CNOT4: variants seen among roughly 807,000 people sequenced by gnomAD.
CNOT4 encodes CCR4-NOT transcription complex subunit 4, also known as CCR4-associated factor 4.
In CNOT4, 8 loss-of-function variants were observed where a neutral mutation model predicts 73.8. That is an observed-to-expected ratio of 0.11 (90% CI 0.06 to 0.20). CNOT4 has a LOEUF of 0.20. Among genes scored for constraint, CNOT4 ranks in the 10% least tolerant of loss-of-function variants. The probability of loss-of-function intolerance (pLI) is 1.00; values close to 1 mark genes in which losing one functional copy is unlikely to be tolerated. For synonymous variants in CNOT4, 293 were observed against 321.1 expected (o/e 0.91, Z 0.94); for missense variants, 564 against 883.4 (o/e 0.64, Z 4.58).
rs774157072 is a variant in CNOT4, at chr7:135,422,291, C to T, written c.237G>A (p.Lys79=). The T allele has an allele frequency of 7.8e-5, 124 of 1,584,952 alleles. No individual in the cohort carries two copies. The highest frequency in any genetic ancestry group is 1.1e-4 in the Non-Finnish European group (122 of 1,153,714). Residue 79 remains lysine, a synonymous_variant, in exon 3 of 12, where the codon AAG becomes AAA. Transcript: ENST00000541284. ...PLSQEELQRI[K]NEKKQKQNER... ...CATTTTGTTTCTGTTTTTTCTCATT[C>T]TTTATCCTTTGCAGCTCTTCCTGGG...
At chr7:135,416,328 T>C (rs1797869341) in intron 3 of CNOT4, among the ~76,000 whole-genome samples, 1 of 152,200 alleles carries the variant, frequency 6.6e-6, no homozygotes, top group African/African-American at 2.4e-5. Context: ...CTTAGTCTTC[T>C]ACCTAATTAA....
rs555225860 is a variant in CNOT4 at position 135,437,221 on chromosome 7, G to C, written c.174+937C>G. Among the ~76,000 whole-genome samples the C allele has an allele frequency of 9.4e-4, 142 of 151,472 alleles. 1 individual carries two copies. The highest frequency in any genetic ancestry group is 3.4e-3 in the African/African-American group (140 of 41,288). On this transcript the variant is annotated intron_variant, in intron 2 of 11. Coordinates refer to ENST00000541284, the MANE Select transcript of CNOT4 (RefSeq NM_001190850.2). ...TTTCTTTTTTTTGAGACGGAGTCTCGCTCTGTTGCCCAGGCTGGAGTGCTG... is the reference window on the plus strand; with the variant it reads ...TTTCTTTTTTTTGAGACGGAGTCTCCCTCTGTTGCCCAGGCTGGAGTGCTG...
intron 1 of CNOT4, among the ~76,000 whole-genome samples, chr7:135,461,988 C>T (rs1036271623): frequency 2.6e-5 from 4 of 151,252 alleles, no homozygotes; most frequent in South Asian, 2.1e-4. Context: ...ATAAGAACTG[C>T]GACAGTCCAG....
chr7:135,495,336 C>T (rs570417509), intron 1 of CNOT4, among the ~76,000 whole-genome samples: 81 of 151,940 alleles, frequency 5.3e-4, no homozygotes, highest in African/African-American at 1.9e-3. Flanking sequence ...GAAACCCTGT[C>T]TCTACTAAAA....
At chr7:135,384,196 G>A (rs909617760) in intron 10 of CNOT4, 1 of 153,476 alleles carries the variant, frequency 6.5e-6, no homozygotes, top group Middle Eastern at 3.2e-3. Flanking sequence ...TTACTGATAT[G>A]AGCCATTTCA....
chr7:135,486,386 A>G (rs920403926), intron 1 of CNOT4, among the ~76,000 whole-genome samples: 2 of 152,300 alleles, frequency 1.3e-5, no homozygotes, highest in East Asian at 1.9e-4. Flanking sequence ...AATGACTACA[A>G]TGAAAAAACT....
At chr7:135,453,846 ATT>A (rs1491435780) in intron 1 of CNOT4, among the ~76,000 whole-genome samples, 4 of 123,266 alleles carry the variant, frequency 3.2e-5, no homozygotes, top group African/African-American at 5.7e-5. Context: ...ATATATATAT[ATT>A]ATATATATAG....
intron 1 of CNOT4, among the ~76,000 whole-genome samples, chr7:135,459,027 T>C (rs1230225127): frequency 6.6e-6 from 1 of 152,044 alleles, no homozygotes; most frequent in Non-Finnish European, 1.5e-5. Flanking sequence ...ACAGCAACTA[T>C]AGCCTTATGA....
At chr7:135,495,504 C>CAAAA (rs150007748) in intron 1 of CNOT4, among the ~76,000 whole-genome samples, 35 of 54,672 alleles carry the variant, frequency 6.4e-4, no homozygotes, top group African/African-American at 2.1e-3. Flanking sequence ...GACTCTGCCT[C>CAAAA]AAAAAAAAAA....
chr7:135,401,191 A>G (rs932107457), intron 7 of CNOT4, among the ~76,000 whole-genome samples: 2 of 152,224 alleles, frequency 1.3e-5, no homozygotes, highest in Non-Finnish European at 2.9e-5. Flanking sequence ...CAGATGTAGA[A>G]CTTCCTTCCT....
At chr7:135,452,945 T>C (rs1033200642) in intron 1 of CNOT4, among the ~76,000 whole-genome samples, 1 of 152,224 alleles carries the variant, frequency 6.6e-6, no homozygotes, top group African/African-American at 2.4e-5. Context: ...AATAATTCTC[T>C]ACCACACTTG....
intron 1 of CNOT4, among the ~76,000 whole-genome samples, chr7:135,461,160 A>G (rs1800849121): frequency 1.3e-5 from 2 of 151,194 alleles, no homozygotes; most frequent in Admixed American, 1.3e-4. Flanking sequence ...TGCCAGTCAC[A>G]TTTTTTTTTG....
intron 10 of CNOT4, among the ~76,000 whole-genome samples, chr7:135,373,267 T>G (rs1795319794): frequency 6.6e-6 from 1 of 152,208 alleles, no homozygotes; most frequent in Non-Finnish European, 1.5e-5. Context: ...GATGCCATAT[T>G]TGACAGGAGA....
chr7:135,474,152 G>A (rs1270514317), intron 1 of CNOT4, among the ~76,000 whole-genome samples: 2 of 150,326 alleles, frequency 1.3e-5, no homozygotes, highest in African/African-American at 4.9e-5. Context: ...GCTAATTTTT[G>A]TAGTTTTAGT....
intron 4 of CNOT4, among the ~76,000 whole-genome samples, chr7:135,414,831 CA>C (rs1286014185): frequency 2.0e-5 from 3 of 151,992 alleles, no homozygotes; most frequent in African/African-American, 7.2e-5. Flanking sequence ...ATAACAGCAG[CA>C]TAACAAAGAC....
intron 1 of CNOT4, among the ~76,000 whole-genome samples, chr7:135,445,221 C>T (rs1204512775): frequency 6.6e-6 from 1 of 152,048 alleles, no homozygotes; most frequent in African/African-American, 2.4e-5. Context: ...TGAGCTTTTG[C>T]CTTTTAATTT....
chr7:135,464,437 A>G (rs189439349), intron 1 of CNOT4, among the ~76,000 whole-genome samples: 5 of 152,378 alleles, frequency 3.3e-5, no homozygotes, highest in Non-Finnish European at 7.3e-5. Flanking sequence ...GCAGGAACAG[A>G]CAGCCAAATA....
chr7:135,453,756 A>G (rs1382804403), intron 1 of CNOT4, among the ~76,000 whole-genome samples: 1 of 145,714 alleles, frequency 6.9e-6, no homozygotes, highest in Non-Finnish European at 1.5e-5. Flanking sequence ...TTATATATAT[A>G]TAAAATATAA....
rs756888554 is a variant in CNOT4 at position 135,410,513 on chromosome 7, AC to A, written c.821+1del. The A allele has an allele frequency of 2.0e-6, 3 of 1,501,912 alleles. No individual in the cohort carries two copies. The East Asian group carries it at 7.6e-5, about 38-fold the overall frequency. The allele number at this position is 1,501,912 out of a possible 1,614,324, so 93.0% of individuals were successfully genotyped here. A position where few individuals can be genotyped will look rare whatever the true frequency, so the allele number is the denominator to read the frequency against. ...TGTCTGACTATCAATATCAATACTTACGTATCGTACCTCTGCAGTGGTGTCA... is the reference window on the plus strand; with the variant it reads ...TGTCTGACTATCAATATCAATACTTAGTATCGTACCTCTGCAGTGGTGTCA... On this transcript the variant is annotated splice_donor_variant, in intron 7 of 11. Coordinates refer to ENST00000541284, the MANE Select transcript of CNOT4 (RefSeq NM_001190850.2). LOFTEE classifies it high-confidence loss of function.
Sources: allele counts gnomAD v4.1 joint callset (sites outside exome capture counted in the v4.1 genomes callset), GRCh38; gene constraint gnomAD v4.1.1; transcripts MANE v1.5; gene names NCBI Gene and HGNC (gene_info 2026-07-23, HGNC 2026-07-21).